The following TUBB8B variants were observed in gnomAD, a reference collection of about 807,000 sequenced individuals.
TUBB8B encodes the protein tubulin beta 8B, also known as HSA18p11 beta-tubulin 4Q pseudogene.
Under a neutral mutation model 31.9 loss-of-function variants are expected in TUBB8B, and 26 were observed. The ratio of observed to expected loss-of-function variants is 0.81; its 90% CI spans 0.60 to 1.13. The LOEUF is 1.13. Ranked by LOEUF, TUBB8B falls within the 50% of genes most tolerant of loss-of-function variation. The pLI, the probability that TUBB8B is intolerant of heterozygous loss-of-function variation, is 0.00. For missense variants in TUBB8B, 467 were observed against 586.7 expected, an observed-to-expected ratio of 0.80 and a Z score of 2.11; for synonymous variants, 173 against 231.0, an observed-to-expected ratio of 0.75 and a Z score of 2.28.
the TUBB8B span, among the ~76,000 whole-genome samples, chr18:67,001 T>TG: frequency 6.6e-6 from 1 of 151,560 alleles, no homozygotes; most frequent in African/African-American, 2.4e-5. Flanking sequence ...TTTTTGTTTT[T>TG]TTTTTTTTTC....
chr18:70,590 G>A, the TUBB8B span, among the ~76,000 whole-genome samples: 15,449 of 114,426 alleles, frequency 0.14, no homozygotes, highest in African/African-American at 0.26. Flanking sequence ...AGCGGAGATC[G>A]CGCCACTACA....
the TUBB8B span, among the ~76,000 whole-genome samples, chr18:66,625 T>C: frequency 6.6e-6 from 1 of 152,320 alleles, no homozygotes; most frequent in East Asian, 1.9e-4. Flanking sequence ...GTTCTATTGA[T>C]TTATTCAAAT....
chr18:53,628 C>T (rs1283582193), upstream of TUBB8B, among the ~76,000 whole-genome samples: 1 of 151,692 alleles, frequency 6.6e-6, no homozygotes, highest in African/African-American at 2.4e-5. Context: ...ATCACCACAC[C>T]CAGCTAATTT....
At chr18:63,230 T>C in the TUBB8B span, among the ~76,000 whole-genome samples, 2 of 151,802 alleles carry the variant, frequency 1.3e-5, no homozygotes, top group Non-Finnish European at 2.9e-5. Context: ...GTTCAGTCTT[T>C]ATTGTAGTCT....
chr18:56,403 C>T, the TUBB8B span, among the ~76,000 whole-genome samples: 1 of 151,612 alleles, frequency 6.6e-6, no homozygotes, highest in South Asian at 2.1e-4. Flanking sequence ...GTATAGATTG[C>T]TTTGGATTGT....
chr18:72,493 T>C, the TUBB8B span, among the ~76,000 whole-genome samples: 1 of 152,204 alleles, frequency 6.6e-6, no homozygotes, highest in African/African-American at 2.4e-5. Flanking sequence ...GTTGACGAGT[T>C]CACTTCCATT....
the TUBB8B span, among the ~76,000 whole-genome samples, chr18:60,017 G>T: frequency 6.6e-6 from 1 of 151,672 alleles, no homozygotes; most frequent in South Asian, 2.1e-4. Context: ...ATATGGGCCC[G>T]TAGTTTGCTT....
At chr18:65,841 A>G in the TUBB8B span, among the ~76,000 whole-genome samples, 2 of 152,184 alleles carry the variant, frequency 1.3e-5, no homozygotes, top group African/African-American at 4.8e-5. Context: ...AAACTAGTAA[A>G]CTACAACACA....
At chr18:68,692 A>T in the TUBB8B span, among the ~76,000 whole-genome samples, 4 of 152,136 alleles carry the variant, frequency 2.6e-5, no homozygotes, top group African/African-American at 9.7e-5. Context: ...CAAGGTTCAC[A>T]ATGTCACTCT....
chr18:49,410 G>T, intron 1 of TUBB8B, 91 bp downstream of exon 1: 1 of 839,768 alleles, frequency 1.2e-6, no homozygotes. Flanking sequence ...CCCAGGGGCC[G>T]CAATGCAGGG....
the TUBB8B span, among the ~76,000 whole-genome samples, chr18:63,601 A>G: frequency 1.3e-5 from 2 of 151,574 alleles, no homozygotes; most frequent in South Asian, 4.2e-4. Context: ...GCTACCATAT[A>G]ACTTTATTAA....
Position 47,876 on chromosome 18 carries a change from G to T in TUBB8B, c.849C>A (p.Ala283=). 1 of 1,611,262 alleles carries T rather than the reference G, an allele frequency of 6.2e-7. No homozygotes were observed. Among genetic ancestry groups the T allele is most frequent in the South Asian group, 1.1e-5 (1 of 91,008 alleles). ...GCTGGGTGAGCTCAGCCACAGTCAA[G>T]GCCCGGTACTGCTGGCTGCCCCGGC... is the stretch of plus-strand genomic sequence containing the variant. ...LTSRGSQQYR[A]LTVAELTQQM... is the part of the protein sequence containing the mutation. The change falls in exon 4 of 4, where the codon GCC becomes GCA. Residue 283 remains alanine, a synonymous_variant. Coordinates refer to ENST00000308911, the MANE Select transcript of TUBB8B (RefSeq NM_001358689.2).
In TUBB8B at chr18:48,875, G is replaced by GA. The variant is rs1229650466; in HGVS notation, c.277+64_277+65insT. ...CCACAGTTCCCACAGGATGACCTTG[G>GA]GCACTCCTGGATTTTGAGCTGCCCT... is the stretch of plus-strand genomic sequence containing the variant. On this transcript the variant is annotated intron_variant, in intron 3 of 3. Transcript: ENST00000308911. 9.7e-6 allele frequency: 11 copies of GA among 1,137,066 alleles called. 1 individual carries two copies. The highest frequency in any genetic ancestry group is 4.7e-5 in the East Asian group (2 of 42,174). 70.4% of individuals were successfully genotyped at this position (1,137,066 alleles called of 1,614,324 possible).
At chr18:56,018 G>C in the TUBB8B span, among the ~76,000 whole-genome samples, 1 of 151,852 alleles carries the variant, frequency 6.6e-6, no homozygotes, top group African/African-American at 2.4e-5. Flanking sequence ...TATTTTGCAA[G>C]AAATAGTGTT....
At chr18:48,676 G>C (rs1418734753) in intron 3 of TUBB8B, 5 of 657,568 alleles carry the variant, frequency 7.6e-6, no homozygotes, top group Admixed American at 4.5e-5. Flanking sequence ...GCTGCAGGTG[G>C]CTCCTGCCCA....
the TUBB8B span, among the ~76,000 whole-genome samples, chr18:72,196 A>AAAAAAAAAAAAAAAC: frequency 7.0e-4 from 59 of 84,488 alleles, 1 homozygote; most frequent in East Asian, 1.2e-3. Context: ...AAAAAAAAAA[A>AAAAAAAAAAAAAAAC]AAAGGAAAAA....
chr18:69,308 AC>A, the TUBB8B span, among the ~76,000 whole-genome samples: 1 of 80,058 alleles, frequency 1.2e-5, no homozygotes, highest in Non-Finnish European at 2.4e-5. Flanking sequence ...ACAAAAAAAA[AC>A]AAAAATTAGC....
the TUBB8B span, among the ~76,000 whole-genome samples, chr18:60,508 T>G: frequency 2.6e-3 from 357 of 137,118 alleles, no homozygotes; most frequent in Middle Eastern, 7.7e-3. Context: ...TTTTGAGTTT[T>G]GTTTGGCCTT....
rs1047790028 is a variant in TUBB8B, at chr18:48,631, A to T, written c.278-184T>A. On this transcript the variant is annotated intron_variant, in intron 3 of 3. Transcript: ENST00000308911. ...GCAGCTTCCCCTGTTAGAAATTAAGACAGGAGTCAAACCTGAGACGGGTTC... is the reference window on the plus strand; with the variant it reads ...GCAGCTTCCCCTGTTAGAAATTAAGTCAGGAGTCAAACCTGAGACGGGTTC... 5.5e-5 allele frequency: 37 copies of T among 678,702 alleles called. 2 individuals carry two copies. Among genetic ancestry groups the T allele is most frequent in the Non-Finnish European group, 9.3e-5 (35 of 375,712 alleles). The allele number at this position is 678,702 out of a possible 1,614,324, so 42.0% of individuals were successfully genotyped here.
Sources: gnomAD v4.1 joint callset for allele counts (sites outside exome capture counted in the v4.1 genomes callset) on GRCh38, gnomAD v4.1.1 for gene constraint, MANE v1.5 for transcripts, NCBI Gene and HGNC (gene_info 2026-07-23, HGNC 2026-07-21) for gene names.